DGKB: variants seen among roughly 807,000 people sequenced by gnomAD.
DGKB encodes 90 kDa diacylglycerol kinase.
DGKB carries 67 observed loss-of-function variants against 114.3 expected under a neutral mutation model. That is an observed-to-expected ratio of 0.59 (90% CI 0.48 to 0.72). The LOEUF (loss-of-function observed/expected upper bound fraction) is 0.72. DGKB is among the 30% of genes least tolerant of loss of function. The probability of loss-of-function intolerance (pLI) is 0.00; values close to 1 mark genes in which losing one functional copy is unlikely to be tolerated. For synonymous variants in DGKB, 398 were observed against 323.1 expected, an observed-to-expected ratio of 1.23 and a Z score of -2.49; for missense variants, 907 against 975.2, an observed-to-expected ratio of 0.93 and a Z score of 0.93.
intron 21 of DGKB, among the ~76,000 whole-genome samples, chr7:14,372,422 A>G (rs1011779923): frequency 1.3e-5 from 2 of 152,064 alleles, no homozygotes; most frequent in African/African-American, 4.8e-5. Flanking sequence ...GGGGAACTAT[A>G]TTTTTAATTT....
At position 14,148,811 on chromosome 7, in the gene DGKB, G is replaced by T. The variant is rs1584035669; in HGVS notation, c.*320C>A. ...GGTATTTCCTTTTTCATGTTTCACGGGTTTTTCTCACAGGTTAGTAAAAGG... is the reference window on the plus strand; with the variant it reads ...GGTATTTCCTTTTTCATGTTTCACGTGTTTTTCTCACAGGTTAGTAAAAGG... On this transcript the variant is annotated 3_prime_UTR_variant, in exon 26 of 26. Coordinates refer to ENST00000402815, the MANE Select transcript of DGKB (RefSeq NM_001350709.2). The T allele has an allele frequency of 2.8e-6, 1 of 355,814 alleles. No homozygotes were observed. Among genetic ancestry groups the T allele is most frequent in the East Asian group, 6.8e-5 (1 of 14,602 alleles). 22.0% of individuals were successfully genotyped at this position (355,814 alleles called of 1,614,324 possible). A position where few individuals can be genotyped will look rare whatever the true frequency, so the allele number is the denominator to read the frequency against.
intron 2 of DGKB, among the ~76,000 whole-genome samples, chr7:14,810,895 C>G (rs1843350094): frequency 6.6e-6 from 1 of 152,182 alleles, no homozygotes; most frequent in Non-Finnish European, 1.5e-5. Flanking sequence ...AAGTGTGAGT[C>G]ACGGCGCCCG....
At position 14,151,130 on chromosome 7, in the gene DGKB, T is replaced by A. The variant is rs78275404; in HGVS notation, c.2305-1892A>T. ...TACTGGGAAAGCAGTTATCACATAT[T>A]ACTTACATGATAACCTTAGATTCAA... On this transcript the variant is annotated intron_variant, in intron 25 of 25. Transcript: ENST00000402815. Among the ~76,000 whole-genome samples the A allele has an allele frequency of 2.3e-3, 347 of 152,200 alleles. 6 individuals are homozygous for A. In the East Asian group the frequency reaches 0.042, roughly 18 times the overall value.
At chr7:14,401,438 C>T (rs569844980) in intron 21 of DGKB, among the ~76,000 whole-genome samples, 1 of 151,978 alleles carries the variant, frequency 6.6e-6, no homozygotes, top group South Asian at 2.1e-4. Context: ...CACTGCTTGG[C>T]ATGCATTAAG....
chr7:14,720,509 GTGTGTGTGTA>G (rs1393379430), intron 5 of DGKB, among the ~76,000 whole-genome samples: 3 of 123,738 alleles, frequency 2.4e-5, no homozygotes, highest in African/African-American at 8.3e-5. Flanking sequence ...GTGTGTGTGT[GTGTGTGTGTA>G]TGTTTAGTAG....
intron 17 of DGKB, among the ~76,000 whole-genome samples, chr7:14,584,564 A>G (rs1013249414): frequency 6.6e-6 from 1 of 152,088 alleles, no homozygotes; most frequent in Non-Finnish European, 1.5e-5. Flanking sequence ...AGTTCAGCAT[A>G]TTTTTATACA....
intron 2 of DGKB, among the ~76,000 whole-genome samples, chr7:14,789,724 TA>T (rs34811388): frequency 0.37 from 55,495 of 151,678 alleles, 11,700 homozygotes; most frequent in African/African-American, 0.59. Context: ...CTGGCTAATT[TA>T]AAAAAAAATT....
At chr7:14,661,809 T>C (rs1347848319) in intron 13 of DGKB, among the ~76,000 whole-genome samples, 1 of 152,048 alleles carries the variant, frequency 6.6e-6, no homozygotes, top group Admixed American at 6.6e-5. Flanking sequence ...CCAACCCAAA[T>C]GTCCCACAAT....
At chr7:14,773,306 T>A (rs1586395073) in intron 2 of DGKB, among the ~76,000 whole-genome samples, 1 of 152,244 alleles carries the variant, frequency 6.6e-6, no homozygotes, top group East Asian at 1.9e-4. Context: ...GGTGTTTTCA[T>A]AGGTTGAGAA....
chr7:14,377,562 A>G (rs985197557), intron 21 of DGKB, among the ~76,000 whole-genome samples: 8 of 152,336 alleles, frequency 5.3e-5, no homozygotes, highest in African/African-American at 1.4e-4. Context: ...CAGGTATGAA[A>G]ACACTTGATA....
At chr7:14,897,198 G>T (rs1001151949) in intron 1 of DGKB, among the ~76,000 whole-genome samples, 4 of 151,892 alleles carry the variant, frequency 2.6e-5, no homozygotes, top group Non-Finnish European at 4.4e-5. Context: ...GTGTTATACA[G>T]TTCACATAGA....
At chr7:14,730,428 C>T (rs1377912434) in intron 5 of DGKB, among the ~76,000 whole-genome samples, 4 of 152,088 alleles carry the variant, frequency 2.6e-5, no homozygotes, top group Non-Finnish European at 5.9e-5. Context: ...GAACACACCG[C>T]GTGCTATTTA....
intron 23 of DGKB, among the ~76,000 whole-genome samples, chr7:14,272,739 T>A (rs1798446726): frequency 6.6e-6 from 1 of 152,182 alleles, no homozygotes; most frequent in African/African-American, 2.4e-5. Flanking sequence ...TAGGAGATGA[T>A]CTTAATGCAT....
Position 14,747,775 on chromosome 7 carries a change from G to GCGCGCGCGCGCACACA in DGKB, c.168+6152_168+6153insTGTGTGCGCGCGCGCG. On this transcript the variant is annotated intron_variant, in intron 4 of 25. Coordinates refer to ENST00000402815, the MANE Select transcript of DGKB (RefSeq NM_001350709.2). The stretch of plus-strand genomic sequence containing the variant: ...GCTGTGGGCTCAAACACATCCACGC[G>GCGCGCGCGCGCACACA]CACGCACACACACACACACACACAC... 2.4e-3 allele frequency among the ~76,000 whole-genome samples: 364 copies of GCGCGCGCGCGCACACA among 149,272 alleles called. 2 individuals are homozygous for GCGCGCGCGCGCACACA. Among genetic ancestry groups the GCGCGCGCGCGCACACA allele is most frequent in the East Asian group, 0.011 (56 of 5,012 alleles).
chr7:14,324,463 G>C (rs189893967), intron 23 of DGKB, among the ~76,000 whole-genome samples: 15 of 120,022 alleles, frequency 1.2e-4, no homozygotes, highest in African/African-American at 3.8e-4. Flanking sequence ...AAAAAAAAAA[G>C]AAAGAATGTC....
intron 21 of DGKB, among the ~76,000 whole-genome samples, chr7:14,438,296 T>C (rs1452399979): frequency 6.6e-6 from 1 of 152,104 alleles, no homozygotes; most frequent in Non-Finnish European, 1.5e-5. Flanking sequence ...GGAGTCGAAT[T>C]AGTAGGTCAA....
chr7:14,762,060 C>A (rs188558627), intron 2 of DGKB, among the ~76,000 whole-genome samples: 285 of 152,236 alleles, frequency 1.9e-3, no homozygotes, highest in African/African-American at 6.8e-3. Flanking sequence ...TGCCCTTTGA[C>A]TAACATATCC....
chr7:14,972,650 G>T (rs1343180197), intron 1 of DGKB, among the ~76,000 whole-genome samples: 1 of 143,694 alleles, frequency 7.0e-6, no homozygotes, highest in Non-Finnish European at 1.5e-5. Context: ...GATGATTGCT[G>T]ATGTCCTCTC....
At chr7:14,502,775 C>T (rs902603510) in intron 20 of DGKB, among the ~76,000 whole-genome samples, 9 of 152,060 alleles carry the variant, frequency 5.9e-5, no homozygotes, top group African/African-American at 1.9e-4. Flanking sequence ...CTTCACAGAG[C>T]ACCCCAACTG....
Sources: allele counts gnomAD v4.1 joint callset (sites outside exome capture counted in the v4.1 genomes callset), GRCh38; gene constraint gnomAD v4.1.1; transcripts MANE v1.5; gene names NCBI Gene and HGNC (gene_info 2026-07-23, HGNC 2026-07-21).